The following TCF7L1 variants were observed in gnomAD, a reference collection of about 807,000 sequenced individuals.
TCF7L1 encodes transcription factor 7-like 1.
In TCF7L1, 18 loss-of-function variants were observed where a neutral mutation model predicts 63.7. The observed-to-expected ratio is 0.28, with a 90% CI of 0.20 to 0.42. The LOEUF is 0.42. Among genes scored for constraint, TCF7L1 ranks in the 10% least tolerant of loss-of-function variants. The pLI is 1.00. For synonymous variants in TCF7L1, 355 were observed against 340.9 expected, an observed-to-expected ratio of 1.04 and a Z score of -0.46; for missense variants, 654 against 779.3, an observed-to-expected ratio of 0.84 and a Z score of 1.91.
chr2:85,308,375 C>T (rs1043030470), intron 11 of TCF7L1, among the ~76,000 whole-genome samples: 27 of 103,712 alleles, frequency 2.6e-4, no homozygotes, highest in South Asian at 9.7e-4. Flanking sequence ...CTTCCTCCCT[C>T]CCTTTCACCT....
chr2:85,236,315 G>C (rs961392728), intron 3 of TCF7L1, among the ~76,000 whole-genome samples: 1 of 152,174 alleles, frequency 6.6e-6, no homozygotes, highest in Admixed American at 6.5e-5. Flanking sequence ...TCTGGACTCT[G>C]TTCTTTGCTT....
At chr2:85,227,371 G>GT (rs1679982022) in intron 3 of TCF7L1, among the ~76,000 whole-genome samples, 1 of 151,570 alleles carries the variant, frequency 6.6e-6, no homozygotes, top group Non-Finnish European at 1.5e-5. Flanking sequence ...CAACGCCTGG[G>GT]TTTTTTGGAC....
Position 85,292,059 on chromosome 2 carries a change from C to T in TCF7L1, c.525+8481C>T, listed in dbSNP as rs1336428068. On this transcript the variant is annotated intron_variant, in intron 4 of 11. Coordinates refer to ENST00000282111, the MANE Select transcript of TCF7L1 (RefSeq NM_031283.3). ...TTTTTGAGACGGAGTCTCGCTCTGT[C>T]GCCCAGGCTGGAGTGCAGTGGCACG... Among the ~76,000 whole-genome samples, 23 of 37,086 alleles carry T rather than the reference C, an allele frequency of 6.2e-4. 5 individuals are homozygous for T. The highest frequency in any genetic ancestry group is 7.9e-4 in the Non-Finnish European group (22 of 27,762). 24.3% of individuals were successfully genotyped at this position (37,086 alleles called of 152,430 possible). A position where few individuals can be genotyped will look rare whatever the true frequency, so the allele number is the denominator to read the frequency against.
At position 85,244,062 on chromosome 2, in the gene TCF7L1, A is replaced by C. The variant is rs891824152; in HGVS notation, c.442-39433A>C. Among the ~76,000 whole-genome samples the C allele has an allele frequency of 7.9e-5, 12 of 152,230 alleles. 1 individual carries two copies. The highest frequency in any genetic ancestry group is 3.9e-4 in the Admixed American group (6 of 15,288). On this transcript the variant is annotated intron_variant, in intron 3 of 11. Transcript: ENST00000282111. ...CAGGGAGGTGACAAACTCTATAGAC[A>C]CATACACGGGGGAAGAGCACGCCAG...
At chr2:85,257,038 C>A (rs1680734613) in intron 3 of TCF7L1, among the ~76,000 whole-genome samples, 1 of 151,064 alleles carries the variant, frequency 6.6e-6, no homozygotes, top group African/African-American at 2.4e-5. Flanking sequence ...CGTAGTGAGA[C>A]CCCCATCTCT....
intron 3 of TCF7L1, among the ~76,000 whole-genome samples, chr2:85,248,233 T>G (rs62165592): frequency 1.2e-3 from 183 of 152,310 alleles, no homozygotes; most frequent in Non-Finnish European, 2.2e-3. Context: ...GGGGGCTCTC[T>G]GGGGTTTAAT....
chr2:85,230,437 G>A lies in TCF7L1; in HGVS notation c.442-53058G>A, dbSNP rs559186406. On this transcript the variant is annotated intron_variant, in intron 3 of 11. Coordinates refer to ENST00000282111, the MANE Select transcript of TCF7L1 (RefSeq NM_031283.3). ...CAACCTCCACCTCCTGGGTTCAAGT[G>A]ATTTTCATGCCTCAGCCTCCCAAGT... Among the ~76,000 whole-genome samples the A allele has an allele frequency of 4.5e-4, 69 of 152,220 alleles. 2 individuals carry two copies. The highest frequency in any genetic ancestry group is 1.6e-3 in the African/African-American group (68 of 41,520).
At chr2:85,250,608 T>C (rs899803944) in intron 3 of TCF7L1, among the ~76,000 whole-genome samples, 1 of 152,104 alleles carries the variant, frequency 6.6e-6, no homozygotes, top group African/African-American at 2.4e-5. Context: ...GGCTGATTTT[T>C]GTATTTTTAG....
chr2:85,256,605 T>C (rs1249672365), intron 3 of TCF7L1, among the ~76,000 whole-genome samples: 1 of 152,202 alleles, frequency 6.6e-6, no homozygotes, highest in Non-Finnish European at 1.5e-5. Context: ...GTTTTAATGC[T>C]TTACAAGGAG....
chr2:85,133,803 C>G lies in TCF7L1; in HGVS notation c.119C>G (p.Pro40Arg), dbSNP rs1677518049. The change falls in exon 1 of 12, where the codon CCC becomes CGC. Residue 40 changes from proline to arginine, a missense_variant. Transcript: ENST00000282111. The surrounding 1 kb of genome is among the most constrained non-coding windows in gnomAD (Gnocchi z 4.4). ...DDLGANDELIPFQDEGGEEQE... is the reference protein window; with the variant it reads ...DDLGANDELIRFQDEGGEEQE... The stretch of plus-strand genomic sequence containing the variant: ...CTCGGGGCGAACGACGAGCTGATCC[C>G]CTTCCAGGACGAGGGGGGCGAGGAG... 6 of 1,447,694 alleles carry G rather than the reference C, an allele frequency of 4.1e-6. No homozygotes were observed. In the South Asian group the frequency reaches 8.5e-5, roughly 21 times the overall value. The allele number at this position is 1,447,694 out of a possible 1,614,324, so 89.7% of individuals were successfully genotyped here. A position where few individuals can be genotyped will look rare whatever the true frequency, so the allele number is the denominator to read the frequency against.
At chr2:85,197,301 T>C (rs1433182598) in intron 3 of TCF7L1, among the ~76,000 whole-genome samples, 2 of 151,970 alleles carry the variant, frequency 1.3e-5, no homozygotes, top group African/African-American at 4.8e-5. Context: ...ATCCCAGCTA[T>C]TTGGGAGGCT....
intron 3 of TCF7L1, among the ~76,000 whole-genome samples, chr2:85,222,929 G>A (rs116436316): frequency 1.2e-3 from 185 of 152,214 alleles, no homozygotes; most frequent in African/African-American, 4.0e-3. Flanking sequence ...GCTCTGTTTC[G>A]AAATAGTCTT....
chr2:85,264,594 A>C lies in TCF7L1; in HGVS notation c.442-18901A>C, dbSNP rs986780635. On this transcript the variant is annotated intron_variant, in intron 3 of 11. Coordinates refer to ENST00000282111, the MANE Select transcript of TCF7L1 (RefSeq NM_031283.3). Reference sequence around the variant, plus strand: ...TTGTGAAAGTTAAGTTCTGTAACCAACTTCATGCACAGGCTATGCCTAGAA... The same window carrying C: ...TTGTGAAAGTTAAGTTCTGTAACCACCTTCATGCACAGGCTATGCCTAGAA... 6.8e-4 allele frequency among the ~76,000 whole-genome samples: 103 copies of C among 152,328 alleles called. 1 individual carries two copies. The highest frequency in any genetic ancestry group is 2.4e-3 in the African/African-American group (99 of 41,572).
intron 3 of TCF7L1, among the ~76,000 whole-genome samples, chr2:85,183,825 A>G (rs920661379): frequency 6.6e-6 from 1 of 152,166 alleles, no homozygotes; most frequent in African/African-American, 2.4e-5. Context: ...TGGCTCCAGC[A>G]ACTCTGTACT....
chr2:85,197,260 A>T (rs1679179719), intron 3 of TCF7L1, among the ~76,000 whole-genome samples: 1 of 152,194 alleles, frequency 6.6e-6, no homozygotes, highest in African/African-American at 2.4e-5. Flanking sequence ...AAAATACAAA[A>T]ATTAGCCAGG....
At chr2:85,238,531 A>G (rs1244665524) in intron 3 of TCF7L1, among the ~76,000 whole-genome samples, 2 of 152,196 alleles carry the variant, frequency 1.3e-5, no homozygotes, top group East Asian at 3.9e-4. Context: ...TCTTCCTTCA[A>G]CGCTTCCTTA....
At chr2:85,281,935 T>C (rs982346328) in intron 3 of TCF7L1, among the ~76,000 whole-genome samples, 3 of 152,132 alleles carry the variant, frequency 2.0e-5, no homozygotes, top group African/African-American at 7.2e-5. Flanking sequence ...AGCCAGATTG[T>C]GATTGATTTT....
In TCF7L1 at chr2:85,195,649, A is replaced by G. The variant is rs111353651; in HGVS notation, c.441+61199A>G. Among the ~76,000 whole-genome samples the G allele has an allele frequency of 4.9e-3, 738 of 152,022 alleles. 6 individuals are homozygous for G. The highest frequency in any genetic ancestry group is 0.017 in the African/African-American group (687 of 41,428). On this transcript the variant is annotated intron_variant, in intron 3 of 11. Transcript: ENST00000282111. The stretch of plus-strand genomic sequence containing the variant: ...GCAGCCTCAACCTCCCAGGCTCAGG[A>G]GATCCTCTCACTGCAGCCTCCCGAG...
intron 3 of TCF7L1, among the ~76,000 whole-genome samples, chr2:85,255,143 C>G (rs1680679756): frequency 6.6e-6 from 1 of 152,144 alleles, no homozygotes. Flanking sequence ...TAGAAACTTA[C>G]CATCCTGGGC....
Sources: allele counts gnomAD v4.1 joint callset (sites outside exome capture counted in the v4.1 genomes callset), GRCh38; gene constraint gnomAD v4.1.1; non-coding constraint Gnocchi (gnomAD v3.1); transcripts MANE v1.5; gene names NCBI Gene and HGNC (gene_info 2026-07-23, HGNC 2026-07-21).